LHFPL3: variants seen among roughly 807,000 people sequenced by gnomAD.
LHFPL3 encodes the protein LHFPL tetraspan subfamily member 3, also known as LHFPL tetraspan subfamily member 3 protein.
In LHFPL3, 5 loss-of-function variants were observed where a neutral mutation model predicts 19.3. That is an observed-to-expected ratio of 0.26 (90% CI 0.14 to 0.54). The LOEUF (loss-of-function observed/expected upper bound fraction) is 0.54. Ranked by LOEUF, LHFPL3 falls within the 20% of genes least tolerant of loss-of-function variation. LHFPL3 has a pLI of 0.94. For synonymous variants in LHFPL3, 133 were observed against 126.2 expected (o/e 1.05, Z -0.36); for missense variants, 249 against 307.4 (o/e 0.81, Z 1.42).
chr7:104,381,786 G>C (rs1790834104), intron 1 of LHFPL3, among the ~76,000 whole-genome samples: 1 of 152,082 alleles, frequency 6.6e-6, no homozygotes. Context: ...AATAAATAGT[G>C]GTAAGTTGAT....
intron 2 of LHFPL3, among the ~76,000 whole-genome samples, chr7:104,787,809 G>A (rs2116439145): frequency 6.6e-6 from 1 of 152,262 alleles, no homozygotes; most frequent in Non-Finnish European, 1.5e-5. Context: ...AGAGTGCTGG[G>A]ATTACAGGTG....
intron 1 of LHFPL3, among the ~76,000 whole-genome samples, chr7:104,548,901 A>G (rs1231663268): frequency 1.3e-5 from 2 of 152,174 alleles, no homozygotes; most frequent in African/African-American, 4.8e-5. Context: ...CAACAGGACC[A>G]CAGCTTGGTA....
At chr7:104,572,028 C>T (rs1256397134) in intron 1 of LHFPL3, among the ~76,000 whole-genome samples, 8 of 152,146 alleles carry the variant, frequency 5.3e-5, no homozygotes, top group Non-Finnish European at 1.2e-4. Flanking sequence ...TCCTTCTGGT[C>T]GTCAGTCTGT....
intron 1 of LHFPL3, among the ~76,000 whole-genome samples, chr7:104,419,385 G>A (rs1421806437): frequency 6.6e-6 from 1 of 152,158 alleles, no homozygotes; most frequent in African/African-American, 2.4e-5. Flanking sequence ...AAGGTAACAA[G>A]TGCCTGAAAT....
intron 1 of LHFPL3, among the ~76,000 whole-genome samples, chr7:104,526,328 C>T (rs952369206): frequency 6.6e-6 from 1 of 152,176 alleles, no homozygotes; most frequent in Admixed American, 6.5e-5. Context: ...TCATCTAGGA[C>T]TTGTGATTCC....
intron 1 of LHFPL3, among the ~76,000 whole-genome samples, chr7:104,664,514 A>G (rs1792294588): frequency 6.6e-6 from 1 of 152,184 alleles, no homozygotes; most frequent in Non-Finnish European, 1.5e-5. Context: ...TGTCTCTACT[A>G]TCCCCTATGG....
At chr7:104,583,959 T>A (rs1325828604) in intron 1 of LHFPL3, among the ~76,000 whole-genome samples, 7 of 151,996 alleles carry the variant, frequency 4.6e-5, no homozygotes, top group Admixed American at 6.6e-5. Flanking sequence ...CATTACTGGG[T>A]ATATACCCAA....
intron 2 of LHFPL3, among the ~76,000 whole-genome samples, chr7:104,823,201 G>A (rs781304897): frequency 1.3e-5 from 2 of 152,150 alleles, no homozygotes; most frequent in African/African-American, 4.8e-5. Context: ...GAAGAAATGG[G>A]CCCACTCCAA....
At chr7:104,807,170 G>C (rs1360144486) in intron 2 of LHFPL3, among the ~76,000 whole-genome samples, 1 of 152,018 alleles carries the variant, frequency 6.6e-6, no homozygotes, top group African/African-American at 2.4e-5. Flanking sequence ...TAATATGACT[G>C]GTGTCCTAAC....
At chr7:104,778,400 G>C (rs1292410400) in intron 2 of LHFPL3, among the ~76,000 whole-genome samples, 1 of 152,168 alleles carries the variant, frequency 6.6e-6, no homozygotes, top group African/African-American at 2.4e-5. Flanking sequence ...CCTGTGCCTA[G>C]TGCAGGAACA....
intron 1 of LHFPL3, among the ~76,000 whole-genome samples, chr7:104,657,637 TA>T: frequency 6.6e-6 from 1 of 152,228 alleles, no homozygotes; most frequent in East Asian, 1.9e-4. Context: ...TGCCTGGATG[TA>T]AATACTGGTC....
In LHFPL3 at chr7:104,419,171, AT is replaced by A. The variant is rs1324161150; in HGVS notation, c.445+89948del. ...ATTGATGAAAGATAAACTCCAAGGT[AT>A]ATTGGTAAAAAAAAATAAACTATGG... On this transcript the variant is annotated intron_variant, in intron 1 of 2. Coordinates refer to ENST00000424859, the MANE Select transcript of LHFPL3 (RefSeq NM_199000.3). Among the ~76,000 whole-genome samples, 3 of 152,000 alleles carry A rather than the reference AT, an allele frequency of 2.0e-5. No individual in the cohort carries two copies. The East Asian group carries it at 6.0e-4, about 30-fold the overall frequency.
chr7:104,610,344 T>A (rs747955974), intron 1 of LHFPL3, among the ~76,000 whole-genome samples: 16 of 152,148 alleles, frequency 1.1e-4, no homozygotes, highest in Non-Finnish European at 2.1e-4. Flanking sequence ...AGAATTCTAA[T>A]CACAACTCAC....
In LHFPL3 at chr7:104,655,159, C is replaced by T. The variant is rs182275042; in HGVS notation, c.446-81516C>T. On this transcript the variant is annotated intron_variant, in intron 1 of 2. Coordinates refer to ENST00000424859, the MANE Select transcript of LHFPL3 (RefSeq NM_199000.3). ...GCAAAGTACAGTTCCTATGTTTTCCCTTGCAGTTTTTTCCCATTGAATGTC... is the reference window on the plus strand; with the variant it reads ...GCAAAGTACAGTTCCTATGTTTTCCTTTGCAGTTTTTTCCCATTGAATGTC... 1.4e-3 allele frequency among the ~76,000 whole-genome samples: 220 copies of T among 152,266 alleles called. 8 individuals are homozygous for T. The highest frequency in any genetic ancestry group is 0.014 in the Admixed American group (217 of 15,288).
chr7:104,664,069 G>A (rs528442386), intron 1 of LHFPL3, among the ~76,000 whole-genome samples: 11 of 152,280 alleles, frequency 7.2e-5, no homozygotes, highest in African/African-American at 2.6e-4. Context: ...TTAGAAAACT[G>A]ATCATGATAG....
At position 104,329,120 on chromosome 7, in the gene LHFPL3, T is replaced by C; in HGVS notation, c.341T>C (p.Leu114Pro). The change falls in exon 1 of 3, where the codon CTC (leucine) becomes CCC (proline). Residue 114 changes from leucine to proline, a missense_variant. By Grantham distance (98) the Leu-to-Pro change is moderately conservative (BLOSUM62 -3). Coordinates refer to ENST00000424859, the MANE Select transcript of LHFPL3 (RefSeq NM_199000.3). ...AFKAASFFIG[L>P]SMMLIIACII... Reference sequence around the variant, plus strand: ...AAAGCCGCCTCCTTCTTTATCGGCCTCTCCATGATGCTCATCATTGCCTGC... The same window carrying C: ...AAAGCCGCCTCCTTCTTTATCGGCCCCTCCATGATGCTCATCATTGCCTGC... 1 of 1,614,076 alleles carries C rather than the reference T, an allele frequency of 6.2e-7. No homozygotes were observed. The highest frequency in any genetic ancestry group is 8.5e-7 in the Non-Finnish European group (1 of 1,179,904).
chr7:104,389,884 C>T (rs991142249), intron 1 of LHFPL3, among the ~76,000 whole-genome samples: 3 of 152,088 alleles, frequency 2.0e-5, no homozygotes, highest in Middle Eastern at 6.8e-3. Context: ...AATTACACAC[C>T]TAAACGTTAG....
At chr7:104,451,946 A>G (rs1792447555) in intron 1 of LHFPL3, among the ~76,000 whole-genome samples, 1 of 152,100 alleles carries the variant, frequency 6.6e-6, no homozygotes, top group African/African-American at 2.4e-5. Flanking sequence ...GGGTTTCGCC[A>G]TGTTGGCCAG....
intron 1 of LHFPL3, among the ~76,000 whole-genome samples, chr7:104,363,484 G>A (rs35589613): frequency 1.4e-3 from 212 of 152,350 alleles, no homozygotes; most frequent in Non-Finnish European, 2.4e-3. Context: ...GATGACGTGC[G>A]CATGCAGGTG....
Sources: gnomAD v4.1 joint callset for allele counts (sites outside exome capture counted in the v4.1 genomes callset) on GRCh38, gnomAD v4.1.1 for gene constraint, MANE v1.5 for transcripts, NCBI Gene and HGNC (gene_info 2026-07-23, HGNC 2026-07-21) for gene names.